Variants in PCNT observed in about 807,000 individuals in gnomAD.
PCNT encodes the protein kendrin.
In PCNT, 319 loss-of-function variants were observed where a neutral mutation model predicts 380.4. The ratio of observed to expected loss-of-function variants is 0.84; its 90% CI spans 0.77 to 0.92. The LOEUF (loss-of-function observed/expected upper bound fraction) is 0.92. Among genes scored for constraint, PCNT ranks in the 40% least tolerant of loss-of-function variants. PCNT has a pLI of 0.00. For synonymous variants in PCNT, 1,845 were observed against 1,735.2 expected (o/e 1.06, Z -1.57); for missense variants, 4,400 against 4,255.3 (o/e 1.03, Z -0.95).
Position 46,334,386 on chromosome 21 carries a change from C to T in PCNT, c.268-11C>T, listed in dbSNP as rs2083661663. On this transcript the variant is annotated splice_polypyrimidine_tract_variant and intron_variant, in intron 2 of 46. Transcript: ENST00000359568. ...GCTTTAAATGCTTCTTTCTGGTCCT[C>T]CCCTTCTTAGCCGGAGGACTGTGAT... is the stretch of plus-strand genomic sequence containing the variant. 3 of 1,614,010 alleles carry T rather than the reference C, an allele frequency of 1.9e-6. No homozygotes were observed. The highest frequency in any genetic ancestry group is 1.3e-5 in the African/African-American group (1 of 74,936).
Position 46,366,807 on chromosome 21 carries a change from C to T in PCNT, c.2833C>T (p.Arg945Cys), listed in dbSNP as rs147358856. The T allele has an allele frequency of 5.6e-4, 903 of 1,613,806 alleles. No homozygotes were observed. Among genetic ancestry groups the T allele is most frequent in the Non-Finnish European group, 6.8e-4 (801 of 1,180,034 alleles). ...ESKQGALLAA[R>C]VAELQTKHAA... ...CAAGCAGGGGGCTCTGCTGGCTGCA[C>T]GTGTGGCCGAACTGCAGACAAAACA... Residue 945 changes from arginine (R) to cysteine (C), a missense_variant, in exon 15 of 47, where the codon CGT becomes TGT. Physicochemically the swap from Arg to Cys is radical, Grantham distance 180 (BLOSUM62 -3). Coordinates refer to ENST00000359568, the MANE Select transcript of PCNT (RefSeq NM_006031.6).
Position 46,407,635 on chromosome 21 carries a change from G to A in PCNT, c.5116-3554G>A, listed in dbSNP as rs535295324. 1.3e-4 allele frequency among the ~76,000 whole-genome samples: 20 copies of A among 152,218 alleles called. 1 individual carries two copies. In the South Asian group the frequency reaches 3.1e-3, roughly 24 times the overall value. On this transcript the variant is annotated intron_variant, in intron 27 of 46. Transcript: ENST00000359568. ...TGGGATTACAGGCGTGAGCCACCGC[G>A]CCCAGTCTATACTTTCTCATTTTGT...
chr21:46,369,637 A>G (rs1226017341), intron 15 of PCNT, among the ~76,000 whole-genome samples: 1 of 152,270 alleles, frequency 6.6e-6, no homozygotes, highest in Non-Finnish European at 1.5e-5. Flanking sequence ...GAAAGGAGGA[A>G]CTTGCATATC....
At chr21:46,423,243 C>T (rs562025094) in intron 32 of PCNT, among the ~76,000 whole-genome samples, 1 of 149,932 alleles carries the variant, frequency 6.7e-6, no homozygotes, top group Admixed American at 6.6e-5. Context: ...CACTCTGTCA[C>T]CCAGCAGTGC....
chr21:46,404,874 G>T (rs769327278), intron 27 of PCNT, among the ~76,000 whole-genome samples: 6 of 152,150 alleles, frequency 3.9e-5, no homozygotes, highest in Non-Finnish European at 5.9e-5. Flanking sequence ...GATGGAGGAT[G>T]CAGTGAGCTG....
intron 2 of PCNT, among the ~76,000 whole-genome samples, chr21:46,332,860 G>A (rs747586288): frequency 4.9e-4 from 74 of 152,232 alleles, no homozygotes; most frequent in Non-Finnish European, 9.0e-4. Context: ...TGTATTGCCA[G>A]CATTTTGGGA....
In PCNT at chr21:46,431,721, C is replaced by T. The variant is rs772107252; in HGVS notation, c.8257C>T (p.Arg2753Cys). The part of the protein sequence containing the change: ...LQKDLAAEKS[R>C]TLELSEALRH... ...GAAGGACCTTGCGGCTGAGAAGAGC[C>T]GCACCCTGGAGCTGTCAGAGGCCTT... The change falls in exon 38 of 47, where the codon CGC becomes TGC. Residue 2753 changes from arginine to cysteine, a missense_variant. Arg to Cys is a radical substitution (Grantham distance 180). Coordinates refer to ENST00000359568, the MANE Select transcript of PCNT (RefSeq NM_006031.6). The T allele has an allele frequency of 8.7e-6, 14 of 1,612,044 alleles. No individual in the cohort carries two copies. The highest frequency in any genetic ancestry group is 4.0e-5 in the African/African-American group (3 of 74,928).
chr21:46,443,400 C>G (rs2053663093), intron 44 of PCNT, among the ~76,000 whole-genome samples: 1 of 152,194 alleles, frequency 6.6e-6, no homozygotes, highest in South Asian at 2.1e-4. Context: ...AGTGTTGACT[C>G]CACATTTTAA....
At chr21:46,384,957 G>A (rs759233654) in intron 16 of PCNT, among the ~76,000 whole-genome samples, 13 of 152,144 alleles carry the variant, frequency 8.5e-5, no homozygotes, top group Non-Finnish European at 1.5e-4. Flanking sequence ...TTGTACATTC[G>A]GTGATGGAAT....
intron 29 of PCNT, among the ~76,000 whole-genome samples, chr21:46,414,863 T>A (rs1904779436): frequency 1.3e-5 from 2 of 151,046 alleles, no homozygotes; most frequent in African/African-American, 2.4e-5. Context: ...CCTACCCTCC[T>A]CCTGCTGGAC....
intron 8 of PCNT, 139 bp from the exon 9 acceptor site, chr21:46,351,290 G>T: frequency 1.4e-6 from 1 of 710,930 alleles, no homozygotes. Context: ...GCTGTGGCTG[G>T]CTTTCTCCGA....
intron 21 of PCNT, among the ~76,000 whole-genome samples, 153 bp downstream of exon 21, chr21:46,391,529 T>A (rs192963514): frequency 5.9e-5 from 9 of 152,236 alleles, no homozygotes; most frequent in Admixed American, 3.9e-4. Flanking sequence ...ATGGGAAGCT[T>A]GTGCGGATCA....
At chr21:46,389,810 C>G (rs2085970248) in intron 19 of PCNT, among the ~76,000 whole-genome samples, 1 of 152,210 alleles carries the variant, frequency 6.6e-6, no homozygotes, top group African/African-American at 2.4e-5. Flanking sequence ...CAGCCAGGCA[C>G]AGCGGCTCAC....
At position 46,328,776 on chromosome 21, in the gene PCNT, C is replaced by G. The variant is rs545561703; in HGVS notation, c.267+2187C>G. 8.1e-5 allele frequency among the ~76,000 whole-genome samples: 11 copies of G among 135,808 alleles called. No individual in the cohort carries two copies. The East Asian group carries it at 2.5e-3, about 31-fold the overall frequency. The allele number at this position is 135,808 out of a possible 152,430, so 89.1% of individuals were successfully genotyped here. A position where few individuals can be genotyped will look rare whatever the true frequency, so the allele number is the denominator to read the frequency against. ...GCACCCGGCCCTCTGGTTGCACATA[C>G]TTTTTTTTTTTCTTTAAGGCGAAGT... On this transcript the variant is annotated intron_variant, in intron 2 of 46. Transcript: ENST00000359568.
chr21:46,444,674 G>A lies in PCNT; in HGVS notation c.9840-20G>A, dbSNP rs1254024807. ...TTTTTTTTTTTTTTTTCTTCTCTTG[G>A]TGTGGTAATTTGTTTGAAGAGCCAC... On this transcript the variant is annotated intron_variant, in intron 45 of 46. Coordinates refer to ENST00000359568, the MANE Select transcript of PCNT (RefSeq NM_006031.6). The A allele has an allele frequency of 1.3e-6, 2 of 1,579,754 alleles. No homozygotes were observed. The highest frequency in any genetic ancestry group is 2.2e-5 in the East Asian group (1 of 44,564).
intron 13 of PCNT, among the ~76,000 whole-genome samples, chr21:46,358,231 A>G (rs949940318): frequency 2.6e-5 from 4 of 152,182 alleles, no homozygotes; most frequent in Admixed American, 6.5e-5. Flanking sequence ...AGTGACTGAA[A>G]TTGTCATGTC....
chr21:46,416,878 G>A (rs1255775337), intron 30 of PCNT, 39 bp downstream of exon 30: 60 of 1,592,932 alleles, frequency 3.8e-5, no homozygotes, highest in Non-Finnish European at 4.7e-5. Context: ...CTGTTCCCGT[G>A]GGAATGTGGT....
chr21:46,433,192 G>T (rs2087839779), intron 38 of PCNT, among the ~76,000 whole-genome samples: 1 of 151,940 alleles, frequency 6.6e-6, no homozygotes, highest in Admixed American at 6.6e-5. Context: ...GACCAGCCTG[G>T]CCAACAAGGC....
intron 22 of PCNT, 67 bp from the exon 23 acceptor site, chr21:46,397,947 G>A: frequency 8.1e-7 from 1 of 1,234,068 alleles, no homozygotes; most frequent in Non-Finnish European, 1.2e-6. Context: ...AAGCCTGGGT[G>A]GACCTTCGCT....
Sources: gnomAD v4.1 joint callset for allele counts (sites outside exome capture counted in the v4.1 genomes callset) on GRCh38, gnomAD v4.1.1 for gene constraint, MANE v1.5 for transcripts, NCBI Gene and HGNC (gene_info 2026-07-23, HGNC 2026-07-21) for gene names.